HNRNPD: variants seen among roughly 807,000 people sequenced by gnomAD.
The protein encoded by HNRNPD is heterogeneous nuclear ribonucleoprotein D0.
A neutral mutation model predicts 47.9 loss-of-function variants in HNRNPD; 3 were observed. The observed-to-expected ratio is 0.06, with a 90% CI of 0.03 to 0.16. HNRNPD has a LOEUF of 0.16. HNRNPD is among the 10% of genes least tolerant of loss of function. The probability of loss-of-function intolerance (pLI) is 1.00; values close to 1 mark genes in which losing one functional copy is unlikely to be tolerated. For missense variants in HNRNPD, 287 were observed against 454.2 expected (o/e 0.63, Z 3.35); for synonymous variants, 171 against 165.1 (o/e 1.04, Z -0.28).
At chr4:82,359,888 A>G (rs1188047678) in intron 2 of HNRNPD, among the ~76,000 whole-genome samples, 1 of 152,174 alleles carries the variant, frequency 6.6e-6, no homozygotes, top group Non-Finnish European at 1.5e-5. Context: ...AAAGATAAAC[A>G]TATACCCAAA....
At chr4:82,367,581 G>T (rs1294760450) in intron 2 of HNRNPD, among the ~76,000 whole-genome samples, 1 of 152,086 alleles carries the variant, frequency 6.6e-6, no homozygotes, top group African/African-American at 2.4e-5. Flanking sequence ...AAGACTAAAT[G>T]GGGAGACAGA....
chr4:82,371,363 T>C (rs1720038249), intron 2 of HNRNPD, among the ~76,000 whole-genome samples, 165 bp downstream of exon 2: 1 of 152,184 alleles, frequency 6.6e-6, no homozygotes, highest in Admixed American at 6.5e-5. Context: ...GCCCAAAGAT[T>C]ACACATGATG....
chr4:82,365,029 A>G (rs1403761289), intron 2 of HNRNPD, among the ~76,000 whole-genome samples: 2 of 152,156 alleles, frequency 1.3e-5, no homozygotes, highest in Admixed American at 6.5e-5. Context: ...TTGGAATAGT[A>G]TTCTTTTTCT....
At chr4:82,372,852 G>T (rs773388572) in intron 1 of HNRNPD, among the ~76,000 whole-genome samples, 5 of 152,164 alleles carry the variant, frequency 3.3e-5, no homozygotes, top group Non-Finnish European at 5.9e-5. Flanking sequence ...GCGTATGGTG[G>T]AGAAAATGAG....
chr4:82,371,292 T>C (rs1446421173), intron 2 of HNRNPD, among the ~76,000 whole-genome samples: 2 of 152,232 alleles, frequency 1.3e-5, no homozygotes, highest in Admixed American at 6.5e-5. Flanking sequence ...TTAGCTTAAA[T>C]TGCCAAACTG....
At chr4:82,355,104 T>G (rs1175888381) in intron 8 of HNRNPD, 200 bp downstream of exon 8, 6 of 566,222 alleles carry the variant, frequency 1.1e-5, no homozygotes, top group Non-Finnish European at 1.9e-5. Flanking sequence ...CTGTTAACTT[T>G]ACTGACTTGT....
intron 2 of HNRNPD, among the ~76,000 whole-genome samples, chr4:82,360,744 T>C (rs1560435232): frequency 6.6e-6 from 1 of 152,108 alleles, no homozygotes; most frequent in East Asian, 1.9e-4. Context: ...ATCTCCATCT[T>C]GTGGGCTTTT....
At chr4:82,359,663 A>G (rs1186226776) in intron 2 of HNRNPD, 24 bp from the exon 3 acceptor site, 7 of 1,479,404 alleles carry the variant, frequency 4.7e-6, no homozygotes, top group Non-Finnish European at 6.4e-6. Context: ...AAGCAGTATT[A>G]AAATGCTTAA....
chr4:82,372,791 T>G (rs1257684350), intron 1 of HNRNPD, among the ~76,000 whole-genome samples: 1 of 152,184 alleles, frequency 6.6e-6, no homozygotes, highest in Non-Finnish European at 1.5e-5. Context: ...AGACCCAATT[T>G]GGTCTGCATG....
intron 1 of HNRNPD, 159 bp downstream of exon 1, chr4:82,373,287 T>C: frequency 1.0e-6 from 1 of 962,188 alleles, no homozygotes. Flanking sequence ...GAAATGAAGG[T>C]CCGGGGAACC....
chr4:82,355,924 A>G (rs1156802382), intron 7 of HNRNPD: 1 of 153,876 alleles, frequency 6.5e-6, no homozygotes, highest in Non-Finnish European at 1.4e-5. Context: ...AAACCACTTA[A>G]AACAATGCAA....
At position 82,373,971 on chromosome 4, in the gene HNRNPD, G is replaced by C; in HGVS notation, c.-293C>G. The C allele has an allele frequency of 1.5e-6, 1 of 656,474 alleles. No homozygotes were observed. The highest frequency in any genetic ancestry group is 3.3e-5 in the East Asian group (1 of 29,924). The allele number at this position is 656,474 out of a possible 1,614,324, so 40.7% of individuals were successfully genotyped here. Reference sequence around the variant, plus strand: ...CTCCTCGCTTTAATGGCGCCGCCGCGGACCACCTAAAATGGCCGACGGAAG... The same window carrying C: ...CTCCTCGCTTTAATGGCGCCGCCGCCGACCACCTAAAATGGCCGACGGAAG... On this transcript the variant is annotated 5_prime_UTR_variant, in exon 1 of 9. Transcript: ENST00000313899.
At chr4:82,372,078 G>C (rs1047476461) in intron 1 of HNRNPD, among the ~76,000 whole-genome samples, 4 of 151,820 alleles carry the variant, frequency 2.6e-5, no homozygotes. Flanking sequence ...AGGAAATCGT[G>C]TTTTCTAATA....
At chr4:82,369,218 G>A (rs1279281325) in intron 2 of HNRNPD, among the ~76,000 whole-genome samples, 1 of 152,202 alleles carries the variant, frequency 6.6e-6, no homozygotes, top group Non-Finnish European at 1.5e-5. Flanking sequence ...CTGCAGCACT[G>A]CAGAGAACAG....
chr4:82,372,680 AG>A (rs1451132617), intron 1 of HNRNPD, among the ~76,000 whole-genome samples: 1 of 152,188 alleles, frequency 6.6e-6, no homozygotes, highest in Non-Finnish European at 1.5e-5. Flanking sequence ...GGCCGGAGAT[AG>A]GAACAGCTCC....
chr4:82,361,610 G>T (rs1719441626), intron 2 of HNRNPD, among the ~76,000 whole-genome samples: 1 of 152,130 alleles, frequency 6.6e-6, no homozygotes, highest in South Asian at 2.1e-4. Flanking sequence ...AACTAGTTTT[G>T]ATTTTATTTA....
chr4:82,363,605 G>GT (rs1393298345), intron 2 of HNRNPD, among the ~76,000 whole-genome samples: 4 of 152,308 alleles, frequency 2.6e-5, no homozygotes, highest in Admixed American at 2.0e-4. Flanking sequence ...GCTGCAATAA[G>GT]TTTAAACTTT....
At chr4:82,368,298 C>T (rs753088752) in intron 2 of HNRNPD, among the ~76,000 whole-genome samples, 6 of 152,000 alleles carry the variant, frequency 3.9e-5, no homozygotes, top group Non-Finnish European at 7.4e-5. Context: ...AAAATGTTCT[C>T]GTATTAGGGC....
chr4:82,370,494 G>A (rs1384480811), intron 2 of HNRNPD, among the ~76,000 whole-genome samples: 1 of 151,870 alleles, frequency 6.6e-6, no homozygotes, highest in African/African-American at 2.4e-5. Context: ...ACCAAATACA[G>A]GGAATAACAT....
Sources: gnomAD v4.1 joint callset for allele counts (sites outside exome capture counted in the v4.1 genomes callset) on GRCh38, gnomAD v4.1.1 for gene constraint, MANE v1.5 for transcripts, NCBI Gene and HGNC (gene_info 2026-07-23, HGNC 2026-07-21) for gene names.